Variants in PTPRD observed in about 807,000 individuals in gnomAD.
PTPRD encodes receptor-type tyrosine-protein phosphatase delta.
Under a neutral mutation model 214.5 loss-of-function variants are expected in PTPRD, and 34 were observed. The ratio of observed to expected loss-of-function variants is 0.16; its 90% CI spans 0.12 to 0.21. The LOEUF (loss-of-function observed/expected upper bound fraction) is 0.21. PTPRD is among the 10% of genes least tolerant of loss of function. PTPRD has a pLI of 1.00. For missense variants in PTPRD, 2,545 were observed against 2,398.7 expected, an observed-to-expected ratio of 1.06 and a Z score of -1.27; for synonymous variants, 1,128 against 845.7, an observed-to-expected ratio of 1.33 and a Z score of -5.79.
intron 2 of PTPRD, among the ~76,000 whole-genome samples, chr9:10,608,710 T>C (rs1201359474): frequency 1.3e-5 from 2 of 152,156 alleles, no homozygotes; most frequent in Non-Finnish European, 2.9e-5. Context: ...TGATGAAAGA[T>C]AAACTCAAAA....
intron 3 of PTPRD, among the ~76,000 whole-genome samples, chr9:10,227,389 G>A (rs1594775761): frequency 6.6e-6 from 1 of 151,938 alleles, no homozygotes; most frequent in Non-Finnish European, 1.5e-5. Flanking sequence ...ATGGTCAGGT[G>A]TTCTTCAGAG....
intron 34 of PTPRD, among the ~76,000 whole-genome samples, chr9:8,437,425 C>T (rs1379552132): frequency 6.6e-6 from 1 of 152,110 alleles, no homozygotes; most frequent in Non-Finnish European, 1.5e-5. Flanking sequence ...ATTTCACAAA[C>T]CTGTAGGTGA....
At position 8,460,452 on chromosome 9, in the gene PTPRD, G is replaced by A. The variant is rs776781891; in HGVS notation, c.3834C>T (p.Val1278=). The change falls in exon 33 of 46, where the codon GTC becomes GTT. Residue 1278 remains valine, a synonymous_variant. Coordinates refer to ENST00000381196, the MANE Select transcript of PTPRD (RefSeq NM_002839.4). Reference sequence around the variant, plus strand: ...TAGCAATGACAATGCAGATGATAAAGACCACTGCAAGGACAGGACCTACAA... The same window carrying A: ...TAGCAATGACAATGCAGATGATAAAAACCACTGCAAGGACAGGACCTACAA... ...IWVVGPVLAV[V]FIICIVIAIL... 6.2e-7 allele frequency: 1 copy of A among 1,613,304 alleles called. No homozygotes were observed. The highest frequency in any genetic ancestry group is 1.3e-5 in the African/African-American group (1 of 74,854).
chr9:10,446,114 C>T (rs1160963578), intron 2 of PTPRD, among the ~76,000 whole-genome samples: 6 of 151,892 alleles, frequency 4.0e-5, no homozygotes, highest in African/African-American at 1.5e-4. Context: ...AAAAGAAAAC[C>T]ACCTTCTCCA....
chr9:9,718,991 G>A (rs978501329), intron 7 of PTPRD, among the ~76,000 whole-genome samples: 1 of 152,210 alleles, frequency 6.6e-6, no homozygotes, highest in African/African-American at 2.4e-5. Context: ...ATGACCTGAA[G>A]CCTGGGGGCC....
chr9:9,654,423 T>C (rs2096457757), intron 7 of PTPRD, among the ~76,000 whole-genome samples: 2 of 150,616 alleles, frequency 1.3e-5, no homozygotes, highest in East Asian at 1.9e-4. Flanking sequence ...CATATATACA[T>C]ATATATGTGT....
intron 8 of PTPRD, among the ~76,000 whole-genome samples, chr9:9,418,704 T>C (rs2077717151): frequency 6.6e-6 from 1 of 151,978 alleles, no homozygotes; most frequent in African/African-American, 2.4e-5. Context: ...AACTCATTCA[T>C]TTATCCATTT....
At chr9:10,040,804 C>T (rs560164558) in intron 3 of PTPRD, among the ~76,000 whole-genome samples, 1 of 152,142 alleles carries the variant, frequency 6.6e-6, no homozygotes, top group Admixed American at 6.6e-5. Flanking sequence ...TTTAAAGGTA[C>T]TTTATCAAAT....
At chr9:9,968,219 C>T (rs2094841306) in intron 4 of PTPRD, among the ~76,000 whole-genome samples, 1 of 152,132 alleles carries the variant, frequency 6.6e-6, no homozygotes, top group Admixed American at 6.5e-5. Flanking sequence ...TACACTAGGA[C>T]ATTTGAAGGC....
rs115643556 is a variant in PTPRD at position 8,366,583 on chromosome 9, C to T, written c.4661+9353G>A. On this transcript the variant is annotated intron_variant, in intron 39 of 45. Transcript: ENST00000381196. ...GTGTGCTGTCCCAGAAATCTGAACC[C>T]TCAAAAATCAAAGGGCAAAGAATTT... 6.4e-3 allele frequency among the ~76,000 whole-genome samples: 973 copies of T among 152,264 alleles called. 13 individuals are homozygous for T. The highest frequency in any genetic ancestry group is 0.022 in the African/African-American group (929 of 41,560).
chr9:8,853,449 G>A (rs917572090), intron 11 of PTPRD, among the ~76,000 whole-genome samples: 11 of 152,114 alleles, frequency 7.2e-5, no homozygotes, highest in African/African-American at 2.4e-4. Context: ...GACACTTTGT[G>A]GAAACAGATG....
Position 8,471,085 on chromosome 9 carries a change from T to C in PTPRD, c.3414A>G (p.Lys1138=). 1 of 1,612,386 alleles carries C rather than the reference T, an allele frequency of 6.2e-7. No individual in the cohort carries two copies. Among genetic ancestry groups the C allele is most frequent in the Non-Finnish European group, 8.5e-7 (1 of 1,178,580 alleles). ...AAGGCACAATTATTATGTAGTAACC[T>C]CTGCACAAGAATGAATAGATAAAAG... The part of the protein sequence containing the change: ...LPEVPANENI[K]GYYIIIVPLK... Residue 1138 remains lysine (K), a splice_region_variant and synonymous_variant, in exon 31 of 46, where the codon AAA becomes AAG. Coordinates refer to ENST00000381196, the MANE Select transcript of PTPRD (RefSeq NM_002839.4).
intron 9 of PTPRD, among the ~76,000 whole-genome samples, chr9:9,353,621 C>T (rs900250465): frequency 3.3e-5 from 5 of 150,086 alleles, no homozygotes; most frequent in Non-Finnish European, 7.4e-5. Context: ...TGTTTTCATG[C>T]CTTTAAAAAA....
rs201667395 is a variant in PTPRD at position 8,782,816 on chromosome 9, G to A, written c.-103-48870C>T. On this transcript the variant is annotated intron_variant, in intron 11 of 45. Coordinates refer to ENST00000381196, the MANE Select transcript of PTPRD (RefSeq NM_002839.4). The stretch of plus-strand genomic sequence containing the variant: ...TCACCATGTTGGTCAGGCTGGTCTC[G>A]AACTCCTGACCTCGTGATCTGCCCT... Among the ~76,000 whole-genome samples the A allele has an allele frequency of 1.4e-3, 216 of 152,076 alleles. 1 individual carries two copies. Among genetic ancestry groups the A allele is most frequent in the African/African-American group, 3.9e-3 (163 of 41,484 alleles).
At chr9:10,320,834 C>T (rs2096540291) in intron 3 of PTPRD, among the ~76,000 whole-genome samples, 4 of 151,926 alleles carry the variant, frequency 2.6e-5, no homozygotes, top group Admixed American at 2.6e-4. Flanking sequence ...CTCAAGTGAT[C>T]CTCCCATCTT....
chr9:9,579,230 C>T (rs905357323), intron 7 of PTPRD, among the ~76,000 whole-genome samples: 3 of 152,048 alleles, frequency 2.0e-5, no homozygotes, highest in African/African-American at 7.2e-5. Context: ...TTAATAACTA[C>T]AGTTAACATT....
intron 17 of PTPRD, among the ~76,000 whole-genome samples, chr9:8,525,795 G>A (rs1453412620): frequency 1.3e-5 from 2 of 151,994 alleles, no homozygotes; most frequent in Non-Finnish European, 2.9e-5. Context: ...TCCACCAGTG[G>A]GATTAGCAGT....
intron 2 of PTPRD, among the ~76,000 whole-genome samples, chr9:10,470,006 G>T (rs1021631348): frequency 5.3e-5 from 8 of 151,994 alleles, no homozygotes; most frequent in Non-Finnish European, 8.8e-5. Context: ...GCTGGGTAGG[G>T]TATTTGGGAG....
intron 6 of PTPRD, among the ~76,000 whole-genome samples, chr9:9,752,511 C>T (rs932005095): frequency 1.3e-5 from 2 of 150,404 alleles, no homozygotes; most frequent in Non-Finnish European, 2.9e-5. Context: ...TGGAGTGTGC[C>T]TTTCAAAATT....
Sources: gnomAD v4.1 joint callset for allele counts (sites outside exome capture counted in the v4.1 genomes callset) on GRCh38, gnomAD v4.1.1 for gene constraint, MANE v1.5 for transcripts, NCBI Gene and HGNC (gene_info 2026-07-23, HGNC 2026-07-21) for gene names.